The following NXPH2 variants were observed in gnomAD, a reference collection of about 807,000 sequenced individuals.
The protein encoded by NXPH2 is neurexophilin 2.
NXPH2 carries 5 observed loss-of-function variants against 19.8 expected under a neutral mutation model. The observed-to-expected ratio is 0.25, with a 90% CI of 0.13 to 0.53. The LOEUF (loss-of-function observed/expected upper bound fraction) is 0.53. Ranked by LOEUF, NXPH2 falls within the 20% of genes least tolerant of loss-of-function variation. NXPH2 has a pLI of 0.96. For missense variants in NXPH2, 289 were observed against 322.8 expected, an observed-to-expected ratio of 0.90 and a Z score of 0.80; for synonymous variants, 154 against 127.4, an observed-to-expected ratio of 1.21 and a Z score of -1.41.
chr2:138,719,134 TTAAA>T (rs1435321942), intron 1 of NXPH2, among the ~76,000 whole-genome samples: 2 of 152,210 alleles, frequency 1.3e-5, no homozygotes, highest in Non-Finnish European at 2.9e-5. Context: ...AAAAGATTAC[TTAAA>T]TAACTCAAAG....
intron 1 of NXPH2, among the ~76,000 whole-genome samples, chr2:138,732,442 G>A (rs1251101686): frequency 1.3e-5 from 2 of 152,146 alleles, no homozygotes; most frequent in African/African-American, 4.8e-5. Flanking sequence ...GTGAGATTGC[G>A]AAGGAGGGGA....
intron 1 of NXPH2, among the ~76,000 whole-genome samples, chr2:138,736,521 G>A (rs959840058): frequency 1.3e-5 from 2 of 152,160 alleles, no homozygotes; most frequent in Non-Finnish European, 2.9e-5. Flanking sequence ...GGGGTCTCCT[G>A]GTCCAGCCCA....
chr2:138,739,161 AT>A (rs1681605781), intron 1 of NXPH2, among the ~76,000 whole-genome samples: 1 of 152,112 alleles, frequency 6.6e-6, no homozygotes, highest in South Asian at 2.1e-4. Flanking sequence ...TAATAAAAAA[AT>A]AACAACTTTC....
At chr2:138,769,461 A>C (rs1682141504) in intron 1 of NXPH2, among the ~76,000 whole-genome samples, 3 of 152,234 alleles carry the variant, frequency 2.0e-5, no homozygotes, top group Admixed American at 6.5e-5. Flanking sequence ...ATAAATGCAT[A>C]AGAGTGCTAG....
chr2:138,674,971 G>C (rs1185747186), intron 1 of NXPH2, among the ~76,000 whole-genome samples: 1 of 152,058 alleles, frequency 6.6e-6, no homozygotes, highest in African/African-American at 2.4e-5. Flanking sequence ...CCCTGATTTG[G>C]TACAGCTTCT....
At chr2:138,718,316 TA>T (rs1681222535) in intron 1 of NXPH2, among the ~76,000 whole-genome samples, 2 of 151,952 alleles carry the variant, frequency 1.3e-5, no homozygotes, top group South Asian at 4.2e-4. Flanking sequence ...GGGCCACTTA[TA>T]AAGGAAGGAG....
chr2:138,760,043 A>G (rs1681986246), intron 1 of NXPH2, among the ~76,000 whole-genome samples: 1 of 152,122 alleles, frequency 6.6e-6, no homozygotes, highest in African/African-American at 2.4e-5. Context: ...CCCTTTTTCT[A>G]TAAAGTGTTT....
At chr2:138,718,509 T>C (rs557090641) in intron 1 of NXPH2, among the ~76,000 whole-genome samples, 1 of 152,324 alleles carries the variant, frequency 6.6e-6, no homozygotes, top group South Asian at 2.1e-4. Context: ...AGAAAGCTTG[T>C]TGCCCTCACA....
chr2:138,777,911 A>G (rs1361634638), intron 1 of NXPH2, among the ~76,000 whole-genome samples: 1 of 151,420 alleles, frequency 6.6e-6, no homozygotes, highest in Non-Finnish European at 1.5e-5. Context: ...AGAAAAGTAA[A>G]TGACTAGTTT....
chr2:138,740,829 G>A (rs1681631519), intron 1 of NXPH2, among the ~76,000 whole-genome samples: 1 of 151,328 alleles, frequency 6.6e-6, no homozygotes, highest in Non-Finnish European at 1.5e-5. Context: ...TATGTATTAG[G>A]TATGAAATGG....
intron 1 of NXPH2, among the ~76,000 whole-genome samples, chr2:138,690,751 T>C (rs1680734392): frequency 6.6e-6 from 1 of 152,228 alleles, no homozygotes; most frequent in African/African-American, 2.4e-5. Context: ...AGGCACTACG[T>C]TGGGCACTAG....
At chr2:138,734,490 G>T (rs1026287203) in intron 1 of NXPH2, among the ~76,000 whole-genome samples, 5 of 152,190 alleles carry the variant, frequency 3.3e-5, no homozygotes, top group Non-Finnish European at 7.4e-5. Flanking sequence ...TAGAAAGGAA[G>T]AAATGGTCAA....
At chr2:138,773,162 A>G (rs998388455) in intron 1 of NXPH2, among the ~76,000 whole-genome samples, 3 of 152,364 alleles carry the variant, frequency 2.0e-5, no homozygotes, top group Admixed American at 1.3e-4. Flanking sequence ...AAAACAGAAC[A>G]GTAAGTTATG....
chr2:138,740,326 G>A (rs1681622956), intron 1 of NXPH2, among the ~76,000 whole-genome samples: 1 of 152,144 alleles, frequency 6.6e-6, no homozygotes, highest in Admixed American at 6.5e-5. Context: ...CAACTTTCTG[G>A]CTGGAGCTGC....
In NXPH2 at chr2:138,749,964, G is replaced by C. The variant is rs138409259; in HGVS notation, c.51+30227C>G. ...AGTCAGGTTGAACCCAGGAACCCAG[G>C]GCCACAGGTGTCCAGTCTCAAATAA... On this transcript the variant is annotated intron_variant, in intron 1 of 1. Coordinates refer to ENST00000272641, the MANE Select transcript of NXPH2 (RefSeq NM_007226.3). Among the ~76,000 whole-genome samples, 3 of 152,064 alleles carry C rather than the reference G, an allele frequency of 2.0e-5. No homozygotes were observed. In the East Asian group the frequency reaches 5.8e-4, roughly 29 times the overall value.
chr2:138,711,892 C>T (rs1322464652), intron 1 of NXPH2, among the ~76,000 whole-genome samples: 1 of 152,194 alleles, frequency 6.6e-6, no homozygotes, highest in Admixed American at 6.5e-5. Context: ...TGAACATCCT[C>T]TGCTGGTCTG....
intron 1 of NXPH2, among the ~76,000 whole-genome samples, chr2:138,764,111 C>A (rs1682057257): frequency 6.6e-6 from 1 of 152,048 alleles, no homozygotes. Flanking sequence ...TAGTGTGCAC[C>A]AGACCACAGA....
At chr2:138,690,047 C>T (rs1184285399) in intron 1 of NXPH2, among the ~76,000 whole-genome samples, 1 of 152,152 alleles carries the variant, frequency 6.6e-6, no homozygotes. Context: ...CAATGTCTGT[C>T]CCTTACGCGA....
rs114590445 is a variant in NXPH2, at chr2:138,771,440, G to T, written c.51+8751C>A. 5.7e-3 allele frequency among the ~76,000 whole-genome samples: 871 copies of T among 151,954 alleles called. 8 individuals are homozygous for T. The highest frequency in any genetic ancestry group is 0.02 in the African/African-American group (821 of 41,418). On this transcript the variant is annotated intron_variant, in intron 1 of 1. Transcript: ENST00000272641. ...ATGAGGTGGCAGAAAGCAGGCAGGGGTGAGGATGGCTACTTAAAGAAATTC... is the reference window on the plus strand; with the variant it reads ...ATGAGGTGGCAGAAAGCAGGCAGGGTTGAGGATGGCTACTTAAAGAAATTC...
Sources: gnomAD v4.1 joint callset for allele counts (sites outside exome capture counted in the v4.1 genomes callset) on GRCh38, gnomAD v4.1.1 for gene constraint, MANE v1.5 for transcripts, NCBI Gene and HGNC (gene_info 2026-07-23, HGNC 2026-07-21) for gene names.